FUT9: variants seen among roughly 807,000 people sequenced by gnomAD.
The protein encoded by FUT9 is fucosyltransferase 9.
Under a neutral mutation model 29.7 loss-of-function variants are expected in FUT9, and 15 were observed. The observed-to-expected ratio is 0.51, with a 90% CI of 0.34 to 0.78. The LOEUF (loss-of-function observed/expected upper bound fraction) is 0.78. Ranked by LOEUF, FUT9 falls within the 30% of genes least tolerant of loss-of-function variation. The pLI, the probability that FUT9 is intolerant of heterozygous loss-of-function variation, is 0.01. For synonymous variants in FUT9, 169 were observed against 153.7 expected, an observed-to-expected ratio of 1.10 and a Z score of -0.74; for missense variants, 319 against 425.4, an observed-to-expected ratio of 0.75 and a Z score of 2.20.
intron 2 of FUT9, 122 bp from the exon 3 acceptor site, chr6:96,203,018 GAAAAGGAA>G: frequency 1.4e-6 from 1 of 692,900 alleles, no homozygotes; most frequent in Non-Finnish European, 2.3e-6. Context: ...TGATAACACT[GAAAAGGAA>G]AATGCAGTTG....
intron 2 of FUT9, among the ~76,000 whole-genome samples, chr6:96,130,966 T>C (rs983384277): frequency 5.9e-5 from 9 of 152,162 alleles, no homozygotes; most frequent in Non-Finnish European, 1.2e-4. Context: ...TACACCATAG[T>C]GGTCGTCCCT....
chr6:96,165,521 TAA>T (rs67592196), intron 2 of FUT9, among the ~76,000 whole-genome samples: 834 of 145,224 alleles, frequency 5.7e-3, no homozygotes, highest in Middle Eastern at 7.1e-3. Flanking sequence ...AGCCCTAGGT[TAA>T]AAAAAAAAAA....
At position 96,056,613 on chromosome 6, in the gene FUT9, G is replaced by T. The variant is rs1366036777; in HGVS notation, c.-98+40401G>T. Among the ~76,000 whole-genome samples, 7 of 152,210 alleles carry T rather than the reference G, an allele frequency of 4.6e-5. No homozygotes were observed. In the South Asian group the frequency reaches 1.0e-3, roughly 23 times the overall value. ...ACAAAATAAGCTCTCAGCTGGGTGT[G>T]GTGGCATGTGCCTGTAGTCCCAGGT... On this transcript the variant is annotated intron_variant, in intron 1 of 2. Transcript: ENST00000302103.
At chr6:96,019,176 T>G (rs1425500970) in intron 1 of FUT9, among the ~76,000 whole-genome samples, 2 of 151,654 alleles carry the variant, frequency 1.3e-5, no homozygotes, top group Non-Finnish European at 2.9e-5. Context: ...CTAGACAAAT[T>G]TACAAAAATA....
At chr6:96,188,710 G>GATATATATAT (rs57955007) in intron 2 of FUT9, among the ~76,000 whole-genome samples, 26 of 146,356 alleles carry the variant, frequency 1.8e-4, no homozygotes, top group African/African-American at 1.7e-4. Context: ...TATATTATTT[G>GATATATATAT]ATATATATAT....
intron 1 of FUT9, among the ~76,000 whole-genome samples, chr6:96,049,140 T>C (rs1345823785): frequency 6.6e-6 from 1 of 151,946 alleles, no homozygotes; most frequent in Admixed American, 6.6e-5. Context: ...GAAGTAAGGG[T>C]TTGATTGGTC....
At chr6:96,095,373 T>C (rs1257312886) in intron 1 of FUT9, among the ~76,000 whole-genome samples, 1 of 152,138 alleles carries the variant, frequency 6.6e-6, no homozygotes, top group Non-Finnish European at 1.5e-5. Flanking sequence ...GATGATTACA[T>C]TGCCTGATTG....
intron 2 of FUT9, among the ~76,000 whole-genome samples, chr6:96,116,408 A>G (rs1355571895): frequency 2.6e-5 from 4 of 152,218 alleles, no homozygotes; most frequent in African/African-American, 4.8e-5. Context: ...TTAATATATG[A>G]TCCAGTGATC....
intron 2 of FUT9, among the ~76,000 whole-genome samples, chr6:96,115,606 G>A (rs980733085): frequency 6.6e-6 from 1 of 152,178 alleles, no homozygotes; most frequent in Non-Finnish European, 1.5e-5. Context: ...GCTGTCTCAT[G>A]TGGCTGGTAG....
chr6:96,049,349 A>T (rs927485358), intron 1 of FUT9, among the ~76,000 whole-genome samples: 1 of 152,186 alleles, frequency 6.6e-6, no homozygotes, highest in African/African-American at 2.4e-5. Flanking sequence ...AAATGCCAAA[A>T]CACATGCTGC....
intron 2 of FUT9, among the ~76,000 whole-genome samples, chr6:96,150,133 T>C (rs1194473530): frequency 6.6e-6 from 1 of 152,110 alleles, no homozygotes; most frequent in African/African-American, 2.4e-5. Flanking sequence ...TGTCCAAGAA[T>C]AGAATACAAA....
intron 2 of FUT9, among the ~76,000 whole-genome samples, chr6:96,194,663 A>C (rs896980337): frequency 1.5e-4 from 23 of 151,696 alleles, no homozygotes; most frequent in Non-Finnish European, 1.2e-4. Context: ...TATAAAGTCC[A>C]AAAGGCTAGT....
intron 1 of FUT9, among the ~76,000 whole-genome samples, chr6:96,040,690 T>C (rs955375044): frequency 6.6e-5 from 10 of 151,922 alleles, no homozygotes; most frequent in Non-Finnish European, 1.2e-4. Context: ...GGGGAATCTA[T>C]GTAAAAAGGT....
chr6:96,040,573 C>T (rs1770442028), intron 1 of FUT9, among the ~76,000 whole-genome samples: 1 of 152,162 alleles, frequency 6.6e-6, no homozygotes, highest in Admixed American at 6.5e-5. Flanking sequence ...GGTGATCCTA[C>T]TCTGTAGTAT....
intron 1 of FUT9, among the ~76,000 whole-genome samples, chr6:96,105,426 A>C (rs1478533979): frequency 6.6e-6 from 1 of 152,184 alleles, no homozygotes; most frequent in African/African-American, 2.4e-5. Flanking sequence ...CATCAGTGTA[A>C]GCACACCTTT....
chr6:96,018,466 G>A (rs1770017691), intron 1 of FUT9, among the ~76,000 whole-genome samples: 2 of 152,102 alleles, frequency 1.3e-5, no homozygotes, highest in Admixed American at 1.3e-4. Flanking sequence ...TGAGCTGAAA[G>A]TCAAGAAGAT....
intron 1 of FUT9, among the ~76,000 whole-genome samples, chr6:96,028,485 G>A (rs1001041795): frequency 1.3e-5 from 2 of 151,570 alleles, no homozygotes; most frequent in Non-Finnish European, 3.0e-5. Context: ...TAGTATATCT[G>A]AGACTCTTTT....
At chr6:96,074,922 T>C (rs1771119611) in intron 1 of FUT9, among the ~76,000 whole-genome samples, 1 of 151,768 alleles carries the variant, frequency 6.6e-6, no homozygotes, top group Admixed American at 6.6e-5. Context: ...GACTGCAAGC[T>C]CACGCCACCA....
intron 2 of FUT9, among the ~76,000 whole-genome samples, chr6:96,199,333 T>C (rs965804125): frequency 6.6e-6 from 1 of 152,116 alleles, no homozygotes; most frequent in African/African-American, 2.4e-5. Context: ...GCAAACTTTT[T>C]TTGACAGTTC....
Sources: gnomAD v4.1 joint callset for allele counts (sites outside exome capture counted in the v4.1 genomes callset) on GRCh38, gnomAD v4.1.1 for gene constraint, MANE v1.5 for transcripts, NCBI Gene and HGNC (gene_info 2026-07-23, HGNC 2026-07-21) for gene names.